The following LDLRAD4 variants were observed in gnomAD, a reference collection of about 807,000 sequenced individuals.
LDLRAD4 encodes the protein low-density lipoprotein receptor class A domain-containing protein 4.
LDLRAD4 carries 5 observed loss-of-function variants against 17.0 expected under a neutral mutation model. That is an observed-to-expected ratio of 0.29 (90% CI 0.15 to 0.62). The LOEUF (loss-of-function observed/expected upper bound fraction) is 0.62. LDLRAD4 is among the 20% of genes least tolerant of loss of function. The probability of loss-of-function intolerance (pLI) is 0.84; values close to 1 mark genes in which losing one functional copy is unlikely to be tolerated. For synonymous variants in LDLRAD4, 168 were observed against 171.8 expected (o/e 0.98, Z 0.17); for missense variants, 340 against 424.7 (o/e 0.80, Z 1.75).
At chr18:13,456,844 T>C (rs1293285822) in intron 3 of LDLRAD4, among the ~76,000 whole-genome samples, 1 of 152,204 alleles carries the variant, frequency 6.6e-6, no homozygotes. Flanking sequence ...ATGCCACCCA[T>C]TTTTCTTGGG....
At chr18:13,250,351 C>T (rs2043171325) in intron 1 of LDLRAD4, among the ~76,000 whole-genome samples, 1 of 151,590 alleles carries the variant, frequency 6.6e-6, no homozygotes, top group African/African-American at 2.4e-5. Flanking sequence ...TGAAGAATGT[C>T]ATTGGTATTT....
chr18:13,534,909 G>A (rs187891826), intron 3 of LDLRAD4, among the ~76,000 whole-genome samples: 3 of 152,292 alleles, frequency 2.0e-5, no homozygotes, highest in African/African-American at 7.2e-5. Context: ...CTGGAATATA[G>A]TACAGTAGAA....
chr18:13,485,501 C>A (rs773412221), intron 3 of LDLRAD4, among the ~76,000 whole-genome samples: 1 of 152,212 alleles, frequency 6.6e-6, no homozygotes, highest in African/African-American at 2.4e-5. Flanking sequence ...TTCCATGGTA[C>A]GGCATGACAG....
chr18:13,408,998 A>C (rs1368854370), intron 2 of LDLRAD4, among the ~76,000 whole-genome samples: 1 of 152,146 alleles, frequency 6.6e-6, no homozygotes, highest in Non-Finnish European at 1.5e-5. Context: ...CACAGGGTGA[A>C]GGTCTCTAAG....
intron 3 of LDLRAD4, chr18:13,459,861 TCAG>T (rs1172956713): frequency 1.3e-5 from 2 of 151,750 alleles, no homozygotes; most frequent in African/African-American, 2.5e-5. Flanking sequence ...GATATTTACA[TCAG>T]CAGCAAGTAT....
chr18:13,594,555 A>C (rs1420971189), intron 3 of LDLRAD4, among the ~76,000 whole-genome samples: 2 of 151,530 alleles, frequency 1.3e-5, no homozygotes, highest in African/African-American at 2.4e-5. Context: ...AGTCCCAGTT[A>C]CTTGGGTGGC....
At chr18:13,522,836 T>G (rs1260723702) in intron 3 of LDLRAD4, 3 of 152,932 alleles carry the variant, frequency 2.0e-5, no homozygotes, top group Non-Finnish European at 4.4e-5. Context: ...CATTGTCAGC[T>G]TTTTGCAAAT....
At chr18:13,503,598 A>G (rs1207950608) in intron 3 of LDLRAD4, among the ~76,000 whole-genome samples, 1 of 152,204 alleles carries the variant, frequency 6.6e-6, no homozygotes, top group African/African-American at 2.4e-5. Context: ...TCCAGTGGAA[A>G]GCAGCCCCAT....
rs1418033876 is a variant in LDLRAD4 at position 13,440,361 on chromosome 18, C to G, written c.181+1977C>G. Among the ~76,000 whole-genome samples, 1 of 152,146 alleles carries G rather than the reference C, an allele frequency of 6.6e-6. No homozygotes were observed. Among genetic ancestry groups the G allele is most frequent in the South Asian group, 2.1e-4 (1 of 4,830 alleles). On this transcript the variant is annotated intron_variant, in intron 3 of 5. Transcript: ENST00000359446. The surrounding 1 kb of genome is among the most constrained non-coding windows in gnomAD (Gnocchi z 4.4). ...GCTTTTCCACTCATTTTTTAAAATG[C>G]GAGCACTTTAATTCTGCCTAGAAGC...
intron 1 of LDLRAD4, among the ~76,000 whole-genome samples, chr18:13,303,230 TA>T (rs1212008854): frequency 6.6e-6 from 1 of 152,158 alleles, no homozygotes; most frequent in African/African-American, 2.4e-5. Context: ...GGAAATAGGT[TA>T]ACTTTGTCTT....
intron 3 of LDLRAD4, among the ~76,000 whole-genome samples, chr18:13,587,043 A>G (rs2094945413): frequency 6.6e-6 from 1 of 152,116 alleles, no homozygotes; most frequent in Admixed American, 6.5e-5. Flanking sequence ...TTATATGTTT[A>G]TTCATTTTCT....
chr18:13,453,638 T>A (rs1256760315), intron 3 of LDLRAD4, among the ~76,000 whole-genome samples: 1 of 152,226 alleles, frequency 6.6e-6, no homozygotes, highest in Non-Finnish European at 1.5e-5. Context: ...GTAAATAGTG[T>A]TATTATTTTC....
chr18:13,562,288 C>A (rs1266822550), intron 3 of LDLRAD4, among the ~76,000 whole-genome samples: 1 of 152,202 alleles, frequency 6.6e-6, no homozygotes, highest in African/African-American at 2.4e-5. Flanking sequence ...ATCCTTGATC[C>A]CGGTGACCCA....
At position 13,473,665 on chromosome 18, in the gene LDLRAD4, ATATATATATATAT is replaced by A. The variant is rs1568213868; in HGVS notation, c.181+35282_181+35294del. ...TATATATATATATATATATATATATATATATATATATATAACGTTTACATTTTATATATATTTA... is the reference window on the plus strand; with the variant it reads ...TATATATATATATATATATATATATAAACGTTTACATTTTATATATATTTA... On this transcript the variant is annotated intron_variant, in intron 3 of 5. Coordinates refer to ENST00000359446, the Ensembl canonical transcript of LDLRAD4. Among the ~76,000 whole-genome samples, 230 of 111,914 alleles carry A rather than the reference ATATATATATATAT, an allele frequency of 2.1e-3. 1 individual carries two copies. The highest frequency in any genetic ancestry group is 5.2e-3 in the South Asian group (16 of 3,056). 73.4% of individuals were successfully genotyped at this position (111,914 alleles called of 152,430 possible).
intron 1 of LDLRAD4, among the ~76,000 whole-genome samples, chr18:13,230,584 A>G (rs566453023): frequency 2.6e-5 from 4 of 151,236 alleles, no homozygotes; most frequent in African/African-American, 9.7e-5. Flanking sequence ...TGCTTCAGAA[A>G]ATTGGGGGCC....
intron 2 of LDLRAD4, among the ~76,000 whole-genome samples, chr18:13,401,580 C>A (rs1479893674): frequency 6.6e-6 from 1 of 152,132 alleles, no homozygotes; most frequent in East Asian, 1.9e-4. Context: ...AGTCACCCAC[C>A]CCGTAGTGGA....
intron 1 of LDLRAD4, among the ~76,000 whole-genome samples, chr18:13,260,683 CA>C (rs1484858732): frequency 5.3e-5 from 8 of 152,238 alleles, no homozygotes; most frequent in African/African-American, 1.9e-4. Flanking sequence ...TCCCTCCTTA[CA>C]GATGTCTGTC....
intron 3 of LDLRAD4, among the ~76,000 whole-genome samples, chr18:13,620,208 C>A (rs556921240): frequency 4.6e-5 from 7 of 152,168 alleles, no homozygotes; most frequent in Admixed American, 3.9e-4. Flanking sequence ...AGCCCTGCTG[C>A]GGCACATGTA....
intron 3 of LDLRAD4, among the ~76,000 whole-genome samples, chr18:13,509,706 C>CA (rs1320289129): frequency 9.2e-5 from 14 of 152,210 alleles, no homozygotes; most frequent in African/African-American, 3.4e-4. Context: ...CAAATGCTAT[C>CA]AAATAGCATT....
Sources: gnomAD v4.1 joint callset for allele counts (sites outside exome capture counted in the v4.1 genomes callset) on GRCh38, gnomAD v4.1.1 for gene constraint, Gnocchi (gnomAD v3.1) non-coding constraint, MANE v1.5 for transcripts, NCBI Gene and HGNC (gene_info 2026-07-23, HGNC 2026-07-21) for gene names.